Variants in TENM1 observed in about 807,000 individuals in gnomAD.
TENM1 encodes teneurin transmembrane protein 1.
Under a neutral mutation model 174.8 loss-of-function variants are expected in TENM1, and 35 were observed. The ratio of observed to expected loss-of-function variants is 0.20; its 90% CI spans 0.15 to 0.27. The LOEUF (loss-of-function observed/expected upper bound fraction) is 0.27. Ranked by LOEUF, TENM1 falls within the 10% of genes least tolerant of loss-of-function variation. TENM1 has a pLI of 1.00. For missense variants in TENM1, 1,633 were observed against 2,130.1 expected, an observed-to-expected ratio of 0.77 and a Z score of 4.59; for synonymous variants, 781 against 798.7, an observed-to-expected ratio of 0.98 and a Z score of 0.37.
At chrX:124,784,242 C>G (rs2054985355) in intron 3 of TENM1, among the ~76,000 whole-genome samples, 1 of 110,890 alleles carries the variant, frequency 9.0e-6, no homozygotes, top group Admixed American at 9.6e-5. Flanking sequence ...TCCAAGAAAA[C>G]CAGATATTGG....
intron 1 of TENM1, among the ~76,000 whole-genome samples, chrX:124,896,857 AT>A: frequency 9.0e-6 from 1 of 111,612 alleles, no homozygotes; most frequent in Non-Finnish European, 1.9e-5. Flanking sequence ...TATGTAATTC[AT>A]TTTTTTCCAA....
the TENM1 span, among the ~76,000 whole-genome samples, chrX:125,115,227 G>A: frequency 9.0e-6 from 1 of 111,500 alleles, no homozygotes; most frequent in Non-Finnish European, 1.9e-5. Flanking sequence ...ACTAGGTATT[G>A]ATGGAAAATA....
the TENM1 span, among the ~76,000 whole-genome samples, chrX:125,124,563 A>G: frequency 3.6e-5 from 4 of 112,266 alleles, no homozygotes; most frequent in Admixed American, 1.9e-4. Context: ...TGTGTTTCAT[A>G]AAAGTACAAA....
chrX:124,909,863 G>A (rs1180409972), intron 1 of TENM1, among the ~76,000 whole-genome samples: 1 of 111,996 alleles, frequency 8.9e-6, no homozygotes, highest in Non-Finnish European at 1.9e-5. Context: ...AATGTGTGTT[G>A]GGGTATTACT....
intron 3 of TENM1, among the ~76,000 whole-genome samples, chrX:124,843,305 T>C (rs919862664): frequency 4.5e-5 from 5 of 111,937 alleles, no homozygotes; most frequent in African/African-American, 1.3e-4. Context: ...TTCAAACCCA[T>C]GTCAACTTCA....
chrX:124,724,189 C>G (rs1569413508), intron 4 of TENM1, among the ~76,000 whole-genome samples: 1 of 111,582 alleles, frequency 9.0e-6, no homozygotes, highest in East Asian at 2.8e-4. Context: ...TGTCTGCTTC[C>G]ATTAACTTCT....
At chrX:125,024,180 T>G in the TENM1 span, among the ~76,000 whole-genome samples, 1 of 111,244 alleles carries the variant, frequency 9.0e-6, no homozygotes, top group Non-Finnish European at 1.9e-5. Context: ...AGATTTCTCA[T>G]GTAACTACCA....
the TENM1 span, among the ~76,000 whole-genome samples, chrX:125,194,978 G>C: frequency 8.9e-6 from 1 of 112,068 alleles, no homozygotes; most frequent in Admixed American, 9.5e-5. Context: ...TTATATGACC[G>C]GAGTATGCTT....
chrX:124,604,224 G>C (rs1249371603), intron 11 of TENM1, among the ~76,000 whole-genome samples: 1 of 111,477 alleles, frequency 9.0e-6, no homozygotes, highest in Non-Finnish European at 1.9e-5. Flanking sequence ...TTGCTCAGCT[G>C]TCATAGGAAA....
chrX:124,520,776 C>G (rs2047825688), exon 18 of TENM1: 1 of 1,150,915 alleles, frequency 8.7e-7, no homozygotes, highest in Non-Finnish European at 1.1e-6. Context: ...GAATTTCCTC[C>G]TGTACAACCT....
chrX:125,196,964 A>G, the TENM1 span, among the ~76,000 whole-genome samples: 1 of 111,525 alleles, frequency 9.0e-6, no homozygotes, highest in African/African-American at 3.3e-5. Flanking sequence ...TGCAATATCT[A>G]ATAAACCAAT....
chrX:125,026,534 C>T, the TENM1 span, among the ~76,000 whole-genome samples: 9 of 111,794 alleles, frequency 8.1e-5, no homozygotes, highest in Non-Finnish European at 1.5e-4. Context: ...AAGCTATCCG[C>T]TCATTCACTG....
chrX:124,825,777 T>C (rs1402678915), intron 3 of TENM1, among the ~76,000 whole-genome samples: 1 of 112,061 alleles, frequency 8.9e-6, no homozygotes, highest in African/African-American at 3.2e-5. Context: ...CCTTGTCTCC[T>C]TCAGAAGGGC....
the TENM1 span, among the ~76,000 whole-genome samples, chrX:125,006,911 A>G: frequency 3.6e-5 from 4 of 111,949 alleles, no homozygotes; most frequent in African/African-American, 1.3e-4. Context: ...ACATCCACAA[A>G]GATGAGGAAA....
intron 1 of TENM1, 115 bp from the exon 5 acceptor site, chrX:124,896,356 G>C: frequency 2.4e-6 from 2 of 827,124 alleles, no homozygotes; most frequent in Non-Finnish European, 1.7e-6. Context: ...ACGTGTTTTT[G>C]CAAGTTAGAA....
chrX:125,034,988 T>C, the TENM1 span, among the ~76,000 whole-genome samples: 3 of 111,824 alleles, frequency 2.7e-5, no homozygotes, highest in East Asian at 5.7e-4. Flanking sequence ...AACTAACAAA[T>C]GGAAGTTTTA....
intron 23 of TENM1, among the ~76,000 whole-genome samples, chrX:124,443,982 G>A (rs925898775): frequency 9.8e-5 from 11 of 111,981 alleles, no homozygotes; most frequent in African/African-American, 3.6e-4. Flanking sequence ...TTAAAATTGT[G>A]TTTCACCTTT....
the TENM1 span, among the ~76,000 whole-genome samples, chrX:125,084,976 G>A: frequency 9.0e-6 from 1 of 110,581 alleles, no homozygotes; most frequent in African/African-American, 3.3e-5. Flanking sequence ...AGTTTCTGAG[G>A]TCTTTTCAGG....
At chrX:124,909,907 C>T (rs1167247030) in intron 1 of TENM1, among the ~76,000 whole-genome samples, 5 of 112,075 alleles carry the variant, frequency 4.5e-5, no homozygotes, top group Non-Finnish European at 9.4e-5. Flanking sequence ...AGGAAGCAAT[C>T]AGATCAAATT....
Sources: allele counts gnomAD v4.1 joint callset (sites outside exome capture counted in the v4.1 genomes callset), GRCh38; gene constraint gnomAD v4.1.1; transcripts MANE v1.5; gene names NCBI Gene and HGNC (gene_info 2026-07-23, HGNC 2026-07-21).